Variants in NPAS3 observed in about 807,000 individuals in gnomAD.
NPAS3 encodes neuronal PAS domain-containing protein 3.
Under a neutral mutation model 73.1 loss-of-function variants are expected in NPAS3, and 14 were observed. That is an observed-to-expected ratio of 0.19 (90% CI 0.13 to 0.30). The LOEUF (loss-of-function observed/expected upper bound fraction) is 0.30, where lower values mean the gene tolerates loss of function less well. NPAS3 is among the 10% of genes least tolerant of loss of function. The pLI, the probability that NPAS3 is intolerant of heterozygous loss-of-function variation, is 1.00. For synonymous variants in NPAS3, 620 were observed against 541.5 expected (o/e 1.14, Z -2.01); for missense variants, 1,096 against 1,250.0 (o/e 0.88, Z 1.86).
chr14:33,417,820 A>G (rs1319257250), intron 4 of NPAS3, among the ~76,000 whole-genome samples: 1 of 152,060 alleles, frequency 6.6e-6, no homozygotes, highest in Non-Finnish European at 1.5e-5. Flanking sequence ...AAGAAGCACT[A>G]AGAAATAACT....
At chr14:33,739,498 A>C (rs535661918) in intron 7 of NPAS3, among the ~76,000 whole-genome samples, 1 of 152,340 alleles carries the variant, frequency 6.6e-6, no homozygotes, top group South Asian at 2.1e-4. Context: ...TAATTAGCTA[A>C]GGAAAATTAT....
intron 2 of NPAS3, among the ~76,000 whole-genome samples, chr14:33,111,866 T>C (rs1314189313): frequency 6.9e-6 from 1 of 144,936 alleles, no homozygotes; most frequent in African/African-American, 2.5e-5. Flanking sequence ...CCCCTTCCTG[T>C]GTCCATGTGT....
chr14:33,588,703 T>C (rs1025383420), intron 5 of NPAS3, among the ~76,000 whole-genome samples: 5 of 152,178 alleles, frequency 3.3e-5, no homozygotes, highest in African/African-American at 9.7e-5. Flanking sequence ...AACCTTCGCC[T>C]CCCAGGTTCA....
chr14:33,591,546 A>G (rs1359210853), intron 5 of NPAS3, among the ~76,000 whole-genome samples: 2 of 152,198 alleles, frequency 1.3e-5, no homozygotes, highest in Admixed American at 1.3e-4. Context: ...GCAAAGCAGA[A>G]TTCCTAAAAG....
intron 3 of NPAS3, among the ~76,000 whole-genome samples, chr14:33,230,313 C>T (rs2047799740): frequency 1.3e-5 from 2 of 152,160 alleles, no homozygotes; most frequent in South Asian, 4.1e-4. Flanking sequence ...GGTATCAAAA[C>T]CTGGTCTGTT....
chr14:33,379,792 A>G (rs576735963), intron 4 of NPAS3, among the ~76,000 whole-genome samples: 16 of 152,342 alleles, frequency 1.1e-4, no homozygotes, highest in African/African-American at 3.8e-4. Context: ...TCTGTGGAAC[A>G]CACGTGAGGA....
chr14:33,256,778 A>T (rs2048793751), intron 3 of NPAS3, among the ~76,000 whole-genome samples: 2 of 152,192 alleles, frequency 1.3e-5, no homozygotes, highest in Non-Finnish European at 2.9e-5. Flanking sequence ...TATTTTTTCC[A>T]GCATAATCTT....
At chr14:33,513,934 A>G (rs17101420) in intron 4 of NPAS3, among the ~76,000 whole-genome samples, 49,203 of 151,932 alleles carry the variant, frequency 0.32, 8,968 homozygotes, top group Admixed American at 0.45. Flanking sequence ...GAAGACTTGC[A>G]TGCCCAGGCT....
At chr14:33,246,839 C>CAAAAAAAAAAAAAAAA (rs571439161) in intron 3 of NPAS3, among the ~76,000 whole-genome samples, 1 of 61,964 alleles carries the variant, frequency 1.6e-5, no homozygotes, top group African/African-American at 7.8e-5. Context: ...ATTAAAAATA[C>CAAAAAAAAAAAAAAAA]AAAAAAAAAA....
At chr14:33,544,862 AAT>A (rs1417423443) in intron 4 of NPAS3, among the ~76,000 whole-genome samples, 16 of 135,716 alleles carry the variant, frequency 1.2e-4, no homozygotes, top group East Asian at 4.1e-4. Context: ...GTGTATATAT[AAT>A]ATATATATGT....
At chr14:33,467,016 C>T (rs727447) in intron 4 of NPAS3, among the ~76,000 whole-genome samples, 40,422 of 152,024 alleles carry the variant, frequency 0.27, 7,530 homozygotes, top group African/African-American at 0.53. Flanking sequence ...AGTTCTTATT[C>T]ATTGGTTGTG....
At chr14:33,655,118 T>C (rs1010448769) in intron 5 of NPAS3, among the ~76,000 whole-genome samples, 1 of 152,122 alleles carries the variant, frequency 6.6e-6, no homozygotes, top group Admixed American at 6.6e-5. Flanking sequence ...GTTCAGCCCC[T>C]TCCTTTTATA....
rs1232134232 is a variant in NPAS3, at chr14:33,543,956, T to G, written c.469-16165T>G. Among the ~76,000 whole-genome samples, 8 of 11,552 alleles carry G rather than the reference T, an allele frequency of 6.9e-4. No individual in the cohort carries two copies. The African/African-American group carries it at 9.2e-3, about 13-fold the overall frequency. 7.6% of individuals were successfully genotyped at this position (11,552 alleles called of 152,430 possible). ...AGGTATGGCAAAGTGCATATATATATATATATATATATATATATATATATA... is the reference window on the plus strand; with the variant it reads ...AGGTATGGCAAAGTGCATATATATAGATATATATATATATATATATATATA... On this transcript the variant is annotated intron_variant, in intron 4 of 11. Transcript: ENST00000356141.
chr14:33,661,805 G>T (rs1354719083), intron 5 of NPAS3, among the ~76,000 whole-genome samples: 1 of 151,982 alleles, frequency 6.6e-6, no homozygotes. Flanking sequence ...GAAATTCATT[G>T]AAATGATAAA....
At chr14:33,533,349 T>C (rs1430307314) in intron 4 of NPAS3, among the ~76,000 whole-genome samples, 1 of 152,038 alleles carries the variant, frequency 6.6e-6, no homozygotes, top group East Asian at 1.9e-4. Context: ...AAGATACGAA[T>C]GGAAATGTCA....
intron 1 of NPAS3, among the ~76,000 whole-genome samples, chr14:32,985,522 A>C (rs2139429681): frequency 6.6e-6 from 1 of 152,328 alleles, no homozygotes; most frequent in East Asian, 1.9e-4. Flanking sequence ...CTAATGCCAA[A>C]AATACATGTC....
intron 5 of NPAS3, among the ~76,000 whole-genome samples, chr14:33,563,396 T>G (rs552164514): frequency 1.3e-5 from 2 of 152,178 alleles, no homozygotes; most frequent in East Asian, 1.9e-4. Context: ...GTCCAGGGCA[T>G]GTGCATGCCA....
chr14:33,483,912 C>T (rs1001920234), intron 4 of NPAS3, among the ~76,000 whole-genome samples: 1 of 152,176 alleles, frequency 6.6e-6, no homozygotes, highest in African/African-American at 2.4e-5. Flanking sequence ...TTTAGAAAGG[C>T]TTCCTGGTTT....
At chr14:33,134,027 A>G (rs1239380333) in intron 2 of NPAS3, among the ~76,000 whole-genome samples, 2 of 152,220 alleles carry the variant, frequency 1.3e-5, no homozygotes, top group Admixed American at 1.3e-4. Context: ...TTCGCTTTCT[A>G]TAAGAAAATG....
Sources: allele counts gnomAD v4.1 joint callset (sites outside exome capture counted in the v4.1 genomes callset), GRCh38; gene constraint gnomAD v4.1.1; transcripts MANE v1.5; gene names NCBI Gene and HGNC (gene_info 2026-07-23, HGNC 2026-07-21).